Variants in ZCCHC24 observed in about 807,000 individuals in gnomAD.
ZCCHC24 encodes the protein zinc finger CCHC-type containing 24.
In ZCCHC24, 10 loss-of-function variants were observed where a neutral mutation model predicts 26.2. That is an observed-to-expected ratio of 0.38 (90% CI 0.24 to 0.65). The LOEUF is 0.65. ZCCHC24 is among the 30% of genes least tolerant of loss of function. The pLI is 0.54. For missense variants in ZCCHC24, 243 were observed against 329.1 expected (o/e 0.74, Z 2.03); for synonymous variants, 144 against 147.1 (o/e 0.98, Z 0.15).
At chr10:79,441,465 C>T (rs1857290723) in intron 1 of ZCCHC24, among the ~76,000 whole-genome samples, 2 of 152,108 alleles carry the variant, frequency 1.3e-5, no homozygotes, top group South Asian at 2.1e-4. Context: ...AGGTTCATTG[C>T]TGCAGAGGCT....
intron 1 of ZCCHC24, among the ~76,000 whole-genome samples, chr10:79,439,515 T>C (rs1213526606): frequency 1.3e-5 from 2 of 152,166 alleles, no homozygotes; most frequent in Admixed American, 6.5e-5. Context: ...AAGAACCAGA[T>C]GCCAGGACTA....
At chr10:79,390,934 C>T (rs949816061) in intron 3 of ZCCHC24, among the ~76,000 whole-genome samples, 30 of 152,258 alleles carry the variant, frequency 2.0e-4, no homozygotes, top group African/African-American at 6.7e-4. Context: ...GGAGCACCGC[C>T]GCTGGGCTCT....
intron 2 of ZCCHC24, among the ~76,000 whole-genome samples, chr10:79,427,105 T>C (rs1294296769): frequency 6.6e-6 from 1 of 151,736 alleles, no homozygotes; most frequent in Non-Finnish European, 1.5e-5. Context: ...AAGAAGGACA[T>C]TTTATAAGGA....
intron 2 of ZCCHC24, among the ~76,000 whole-genome samples, chr10:79,404,367 T>G (rs1856679749): frequency 6.6e-6 from 1 of 152,176 alleles, no homozygotes; most frequent in Non-Finnish European, 1.5e-5. Flanking sequence ...TGTTTCCTGC[T>G]CTGGCTTTCC....
At chr10:79,430,677 A>AC in intron 2 of ZCCHC24, among the ~76,000 whole-genome samples, 1 of 101,718 alleles carries the variant, frequency 9.8e-6, no homozygotes, top group African/African-American at 3.7e-5. Context: ...ATACACTCAC[A>AC]CACACACACC....
intron 1 of ZCCHC24, among the ~76,000 whole-genome samples, chr10:79,433,125 T>G (rs1345530660): frequency 6.6e-6 from 1 of 152,236 alleles, no homozygotes; most frequent in Non-Finnish European, 1.5e-5. Flanking sequence ...CTTAACATAC[T>G]GCCATGAGGT....
chr10:79,427,316 T>C (rs1383809266), intron 2 of ZCCHC24, among the ~76,000 whole-genome samples: 1 of 152,112 alleles, frequency 6.6e-6, no homozygotes. Flanking sequence ...GGAGGAGACA[T>C]AGACATCACT....
At chr10:79,428,384 G>T in intron 2 of ZCCHC24, among the ~76,000 whole-genome samples, 1 of 100,168 alleles carries the variant, frequency 1.0e-5, no homozygotes, top group African/African-American at 3.7e-5. Context: ...TTATGCAATG[G>T]GTACAGTATT....
intron 1 of ZCCHC24, among the ~76,000 whole-genome samples, chr10:79,442,379 A>G (rs570658912): frequency 6.6e-6 from 1 of 152,282 alleles, no homozygotes; most frequent in South Asian, 2.1e-4. Context: ...CCAGTGTGCC[A>G]CTCAGAACCG....
Position 79,417,256 on chromosome 10 carries a change from G to A in ZCCHC24, c.447+15302C>T, listed in dbSNP as rs564267190. The stretch of plus-strand genomic sequence containing the variant: ...TCACAGTCCCCAGGAAGGAGCAGAG[G>A]AGCATGGGCCCCTGTTGGGTTTTAC... On this transcript the variant is annotated intron_variant, in intron 2 of 3. Transcript: ENST00000372336. Among the ~76,000 whole-genome samples the A allele has an allele frequency of 5.0e-5, 5 of 99,806 alleles. 2 individuals are homozygous for A. The Admixed American group carries it at 5.6e-4, about 11-fold the overall frequency. 65.5% of individuals were successfully genotyped at this position (99,806 alleles called of 152,430 possible).
chr10:79,427,109 A>T (rs1857039596), intron 2 of ZCCHC24, among the ~76,000 whole-genome samples: 1 of 152,196 alleles, frequency 6.6e-6, no homozygotes, highest in Non-Finnish European at 1.5e-5. Flanking sequence ...AGGACATTTT[A>T]TAAGGATAAA....
In ZCCHC24 at chr10:79,383,756, A is replaced by C. The variant is rs1856355585; in HGVS notation, c.*2589T>G. 1 of 152,698 alleles carries C rather than the reference A, an allele frequency of 6.5e-6. No individual in the cohort carries two copies. Among genetic ancestry groups the C allele is most frequent in the African/African-American group, 2.4e-5 (1 of 41,436 alleles). 9.5% of individuals were successfully genotyped at this position (152,698 alleles called of 1,614,324 possible). On this transcript the variant is annotated 3_prime_UTR_variant, in exon 4 of 4. Coordinates refer to ENST00000372336, the MANE Select transcript of ZCCHC24 (RefSeq NM_153367.4). The stretch of plus-strand genomic sequence containing the variant: ...AACTGGTAACCATGCAGAAATTTTA[A>C]CATCTATGAATTTTTTTTCCAAAAT...
chr10:79,422,766 C>G (rs535669168), intron 2 of ZCCHC24, among the ~76,000 whole-genome samples: 1 of 152,198 alleles, frequency 6.6e-6, no homozygotes, highest in Non-Finnish European at 1.5e-5. Context: ...TCGCGGCGCC[C>G]TGTTCTTAGC....
Position 79,421,088 on chromosome 10 carries a change from G to A in ZCCHC24, c.447+11470C>T, listed in dbSNP as rs76176902. Among the ~76,000 whole-genome samples the A allele has an allele frequency of 3.3e-3, 506 of 152,320 alleles. 2 individuals carry two copies. The highest frequency in any genetic ancestry group is 0.012 in the African/African-American group (486 of 41,566). On this transcript the variant is annotated intron_variant, in intron 2 of 3. Coordinates refer to ENST00000372336, the MANE Select transcript of ZCCHC24 (RefSeq NM_153367.4). ...CACCTCACTGAAAGGAGAGGGCTTC[G>A]GCAGGGCAAGGAGGAGAGCCTCGAG...
chr10:79,417,075 T>C (rs1455606699), intron 2 of ZCCHC24, among the ~76,000 whole-genome samples: 1 of 152,234 alleles, frequency 6.6e-6, no homozygotes, highest in African/African-American at 2.4e-5. Flanking sequence ...AGTGATTTTC[T>C]GCCAGCCTTC....
intron 2 of ZCCHC24, among the ~76,000 whole-genome samples, chr10:79,431,902 G>T (rs76869267): frequency 6.6e-6 from 1 of 152,146 alleles, no homozygotes; most frequent in African/African-American, 2.4e-5. Context: ...GTGGGTCAGG[G>T]ACCATCCTGT....
At chr10:79,424,828 C>G (rs763768325) in intron 2 of ZCCHC24, among the ~76,000 whole-genome samples, 1 of 152,330 alleles carries the variant, frequency 6.6e-6, no homozygotes, top group East Asian at 1.9e-4. Flanking sequence ...GTTATTTACA[C>G]GCTTGCTTGG....
At chr10:79,387,960 C>T (rs920541409) in intron 3 of ZCCHC24, among the ~76,000 whole-genome samples, 7 of 152,142 alleles carry the variant, frequency 4.6e-5, no homozygotes, top group African/African-American at 1.7e-4. Context: ...AAGACAGGCA[C>T]GTCAACCACA....
At position 79,435,065 on chromosome 10, in the gene ZCCHC24, C is replaced by T. The variant is rs114679275; in HGVS notation, c.247-2307G>A. Among the ~76,000 whole-genome samples, 745 of 152,220 alleles carry T rather than the reference C, an allele frequency of 4.9e-3. 8 individuals are homozygous for T. The highest frequency in any genetic ancestry group is 0.017 in the African/African-American group (705 of 41,514). On this transcript the variant is annotated intron_variant, in intron 1 of 3. Transcript: ENST00000372336. ...AGAAGGCCCCCTCCCCCTCCAAATC[C>T]GCCCCAGCCTCCCAGAGAAAAGTTC... is the stretch of plus-strand genomic sequence containing the variant.
Sources: allele counts gnomAD v4.1 joint callset (sites outside exome capture counted in the v4.1 genomes callset), GRCh38; gene constraint gnomAD v4.1.1; transcripts MANE v1.5; gene names NCBI Gene and HGNC (gene_info 2026-07-23, HGNC 2026-07-21).